CLEC16A: variants seen among roughly 807,000 people sequenced by gnomAD.
The protein encoded by CLEC16A is C-type lectin domain containing 16A.
Under a neutral mutation model 109.5 loss-of-function variants are expected in CLEC16A, and 51 were observed. That is an observed-to-expected ratio of 0.47 (90% CI 0.37 to 0.59). The LOEUF is 0.59. Ranked by LOEUF, CLEC16A falls within the 20% of genes least tolerant of loss-of-function variation. The probability of loss-of-function intolerance (pLI) is 0.00; values close to 1 mark genes in which losing one functional copy is unlikely to be tolerated. For synonymous variants in CLEC16A, 673 were observed against 564.2 expected, an observed-to-expected ratio of 1.19 and a Z score of -2.73; for missense variants, 1,339 against 1,394.0, an observed-to-expected ratio of 0.96 and a Z score of 0.63.
chr16:11,156,744 GC>G, intron 22 of CLEC16A: 1 of 1,098,056 alleles, frequency 9.1e-7, no homozygotes, highest in Non-Finnish European at 1.2e-6. Context: ...TGGGAATCAA[GC>G]CCAGCCCTGG....
In CLEC16A at chr16:11,180,877, G is replaced by A. The variant is rs200895168; in HGVS notation, c.*2187G>A. 2.9e-4 allele frequency: 44 copies of A among 152,702 alleles called. No individual in the cohort carries two copies. Among genetic ancestry groups the A allele is most frequent in the Middle Eastern group, 3.4e-3 (1 of 296 alleles). 9.5% of individuals were successfully genotyped at this position (152,702 alleles called of 1,614,324 possible). ...CAGGGCTGGACAGCATGCCCGGGAG[G>A]ACCAGCAGAGGATTAAAGGTGACTG... On this transcript the variant is annotated 3_prime_UTR_variant, in exon 24 of 24. Coordinates refer to ENST00000409790, the MANE Select transcript of CLEC16A (RefSeq NM_015226.3).
In CLEC16A at chr16:11,097,714, C is replaced by T. The variant is rs79734760; in HGVS notation, c.2117-22901C>T. Among the ~76,000 whole-genome samples, 28 of 152,302 alleles carry T rather than the reference C, an allele frequency of 1.8e-4. No individual in the cohort carries two copies. The East Asian group carries it at 5.2e-3, about 28-fold the overall frequency. On this transcript the variant is annotated intron_variant, in intron 19 of 23. Transcript: ENST00000409790. ...GCAGCTTTTTGGCCCCATTGGTTTA[C>T]GTCTGTTTTATGAATGGCCTGAAAC...
chr16:11,178,635 A>G lies in CLEC16A; in HGVS notation c.3107A>G (p.Glu1036Gly). 1 of 1,589,290 alleles carries G rather than the reference A, an allele frequency of 6.3e-7. No homozygotes were observed. The highest frequency in any genetic ancestry group is 8.5e-7 in the Non-Finnish European group (1 of 1,171,798). Reference sequence around the variant, plus strand: ...TCCACGCCGGCTGCCGCCTGCACAGAGCCCGTGGGCGAAGAGGCTGCATGT... The same window carrying G: ...TCCACGCCGGCTGCCGCCTGCACAGGGCCCGTGGGCGAAGAGGCTGCATGT... ...PLSTPAAACT[E>G]PVGEEAACAE... The change falls in exon 24 of 24, where the codon GAG (glutamate) becomes GGG (glycine). Residue 1036 changes from glutamate (E) to glycine (G), a missense_variant. Physicochemically the swap from Glu to Gly is moderately conservative, Grantham distance 98 (BLOSUM62 -2). Around this residue, in one of 3 missense-constraint regions of CLEC16A, gnomAD observed 1,061 missense variants for 1,006.8 expected, o/e 1.05. Coordinates refer to ENST00000409790, the MANE Select transcript of CLEC16A (RefSeq NM_015226.3). This position sits in a 1 kb window ranked among gnomAD's most constrained non-coding sequence, Gnocchi z 6.5.
chr16:10,948,183 GCA>G (rs2041529067), intron 1 of CLEC16A, among the ~76,000 whole-genome samples: 11 of 152,186 alleles, frequency 7.2e-5, no homozygotes, highest in South Asian at 2.1e-4. Context: ...ATGAGCCACT[GCA>G]CCCGGCCTAG....
intron 10 of CLEC16A, among the ~76,000 whole-genome samples, chr16:10,995,458 A>G (rs560065218): frequency 6.6e-6 from 1 of 152,362 alleles, no homozygotes; most frequent in African/African-American, 2.4e-5. Flanking sequence ...GCCCACTAAC[A>G]AAGCAGAAGG....
At chr16:11,080,161 A>C (rs2049621308) in intron 19 of CLEC16A, among the ~76,000 whole-genome samples, 1 of 152,234 alleles carries the variant, frequency 6.6e-6, no homozygotes, top group Non-Finnish European at 1.5e-5. Flanking sequence ...GTGCGCGTCC[A>C]TCCATCATTT....
intron 19 of CLEC16A, among the ~76,000 whole-genome samples, chr16:11,103,258 T>C (rs2051027966): frequency 6.6e-6 from 1 of 152,198 alleles, no homozygotes; most frequent in African/African-American, 2.4e-5. Context: ...CTTGGCCCAT[T>C]GCTGGGCTTC....
chr16:11,151,719 A>G (rs145160244), intron 22 of CLEC16A, among the ~76,000 whole-genome samples: 1 of 152,356 alleles, frequency 6.6e-6, no homozygotes, highest in East Asian at 1.9e-4. Context: ...AGGAGAGAGT[A>G]GCGACTTCTC....
rs1193975586 is a variant in CLEC16A, at chr16:11,020,298, C to T, written c.1409C>T (p.Thr470Ile). The T allele has an allele frequency of 5.6e-6, 9 of 1,612,920 alleles. No homozygotes were observed. The highest frequency in any genetic ancestry group is 2.2e-5 in the East Asian group (1 of 44,852). Reference protein sequence around the residue: ...TTDEEKSAAATCSESTQWSRP... With the variant: ...TTDEEKSAAAICSESTQWSRP... ...GACGAGGAGAAAAGCGCCGCCGCCA[C>T]CTGCTCTGAGAGCACGCAATGGAGC... The change falls in exon 12 of 24, where the codon ACC becomes ATC. Residue 470 changes from threonine (T) to isoleucine (I), a missense_variant. Thr to Ile is a moderately conservative substitution (Grantham distance 89). This residue lies in a region of CLEC16A where 1,061 missense variants were observed against 1,006.8 expected (regional missense o/e 1.05). Coordinates refer to ENST00000409790, the MANE Select transcript of CLEC16A (RefSeq NM_015226.3).
At chr16:11,141,770 G>A (rs761608538) in intron 22 of CLEC16A, among the ~76,000 whole-genome samples, 3 of 152,208 alleles carry the variant, frequency 2.0e-5, no homozygotes, top group Admixed American at 1.3e-4. Context: ...TGGGGACAGC[G>A]TGCCTGGTTA....
chr16:11,038,776 G>T (rs720130), intron 13 of CLEC16A, among the ~76,000 whole-genome samples: 75,219 of 151,736 alleles, frequency 0.5, 20,137 homozygotes, highest in African/African-American at 0.71. Context: ...TAATTGCGGT[G>T]TTCCAATTGC....
At chr16:11,063,712 C>CAG (rs2048616349) in intron 19 of CLEC16A, among the ~76,000 whole-genome samples, 1 of 152,154 alleles carries the variant, frequency 6.6e-6, no homozygotes, top group South Asian at 2.1e-4. Flanking sequence ...GGTGTGACAG[C>CAG]CGAGCTCCGG....
chr16:10,958,035 A>G (rs983348555), intron 2 of CLEC16A, 125 bp downstream of exon 2: 18 of 884,938 alleles, frequency 2.0e-5, no homozygotes, highest in Non-Finnish European at 2.5e-5. Flanking sequence ...CTAGATATCT[A>G]TCTCTGTCTA....
At chr16:11,088,807 A>T (rs1242116959) in intron 19 of CLEC16A, among the ~76,000 whole-genome samples, 1 of 152,192 alleles carries the variant, frequency 6.6e-6, no homozygotes, top group Non-Finnish European at 1.5e-5. Context: ...TCCTGGGCTG[A>T]GTCGGGTGGG....
At chr16:11,090,129 C>T (rs2050223636) in intron 19 of CLEC16A, among the ~76,000 whole-genome samples, 2 of 152,176 alleles carry the variant, frequency 1.3e-5, no homozygotes, top group Admixed American at 1.3e-4. Flanking sequence ...AATCATGCGT[C>T]CCCTGCATTC....
At chr16:11,150,872 A>G (rs988528098) in intron 22 of CLEC16A, among the ~76,000 whole-genome samples, 2 of 152,086 alleles carry the variant, frequency 1.3e-5, no homozygotes, top group East Asian at 1.9e-4. Flanking sequence ...AATCTTTGCT[A>G]CTTTTTGGCT....
intron 17 of CLEC16A, among the ~76,000 whole-genome samples, 157 bp from the exon 18 acceptor site, chr16:11,051,356 C>T (rs1046578277): frequency 6.6e-6 from 1 of 152,198 alleles, no homozygotes; most frequent in Admixed American, 6.5e-5. Flanking sequence ...TATCTGGCTG[C>T]CTCTGTGCTT....
chr16:11,075,434 G>A (rs1208998860), intron 19 of CLEC16A, among the ~76,000 whole-genome samples: 4 of 146,532 alleles, frequency 2.7e-5, no homozygotes, highest in Admixed American at 1.4e-4. Flanking sequence ...GTGTATGTGT[G>A]TGTGTGTGTG....
intron 19 of CLEC16A, among the ~76,000 whole-genome samples, chr16:11,111,506 AAGG>A (rs2051582911): frequency 6.6e-6 from 1 of 152,234 alleles, no homozygotes; most frequent in African/African-American, 2.4e-5. Flanking sequence ...ACTCAGGTTC[AAGG>A]AGAAGGGTAG....
Sources: allele counts gnomAD v4.1 joint callset (sites outside exome capture counted in the v4.1 genomes callset), GRCh38; gene constraint gnomAD v4.1.1; regional missense constraint gnomAD v4.1.1; non-coding constraint Gnocchi (gnomAD v3.1); transcripts MANE v1.5; gene names NCBI Gene and HGNC (gene_info 2026-07-23, HGNC 2026-07-21).